Variants in NKAIN2 observed in about 807,000 individuals in gnomAD.
The protein encoded by NKAIN2 is sodium/potassium-transporting ATPase subunit beta-1-interacting protein 2.
NKAIN2 carries 14 observed loss-of-function variants against 32.6 expected under a neutral mutation model. The ratio of observed to expected loss-of-function variants is 0.43; its 90% CI spans 0.28 to 0.67. The LOEUF is 0.67. Among genes scored for constraint, NKAIN2 ranks in the 30% least tolerant of loss-of-function variants. The pLI is 0.17. For synonymous variants in NKAIN2, 80 were observed against 87.2 expected, an observed-to-expected ratio of 0.92 and a Z score of 0.46; for missense variants, 198 against 258.3, an observed-to-expected ratio of 0.77 and a Z score of 1.60.
At chr6:124,805,654 C>T (rs534291619) in intron 5 of NKAIN2, among the ~76,000 whole-genome samples, 146 of 152,184 alleles carry the variant, frequency 9.6e-4, no homozygotes, top group African/African-American at 3.0e-3. Flanking sequence ...ATGACTTTGA[C>T]GAGTTGAGAG....
chr6:123,976,888 TAGA>T (rs1351681767), intron 1 of NKAIN2, among the ~76,000 whole-genome samples: 1 of 152,198 alleles, frequency 6.6e-6, no homozygotes, highest in African/African-American at 2.4e-5. Context: ...TCTGAAGATT[TAGA>T]AGAATAGGTA....
chr6:124,710,727 T>A (rs1241211151), intron 4 of NKAIN2, among the ~76,000 whole-genome samples: 14 of 147,940 alleles, frequency 9.5e-5, no homozygotes, highest in African/African-American at 3.5e-4. Flanking sequence ...TGTGTGTCTC[T>A]GCACGTGAGA....
At chr6:123,833,691 C>CTGTGTGTGTGTGTGTGTGTGTG (rs59906355) in intron 1 of NKAIN2, among the ~76,000 whole-genome samples, 1 of 129,546 alleles carries the variant, frequency 7.7e-6, no homozygotes, top group Non-Finnish European at 1.6e-5. Context: ...ATTTTTTTTC[C>CTGTGTGTGTGTGTGTGTGTGTG]TGTGTGTGTG....
chr6:124,256,850 C>T (rs566665700), intron 1 of NKAIN2, among the ~76,000 whole-genome samples: 12 of 149,396 alleles, frequency 8.0e-5, no homozygotes, highest in Non-Finnish European at 1.5e-4. Context: ...TGTCCTTCCT[C>T]CTGGGGTAAA....
At chr6:124,808,118 T>A (rs1197679189) in intron 5 of NKAIN2, among the ~76,000 whole-genome samples, 22 of 146,900 alleles carry the variant, frequency 1.5e-4, no homozygotes, top group South Asian at 2.2e-4. Context: ...GAGGGAATCC[T>A]CCCTAACTCA....
chr6:124,165,372 G>C (rs1273939955), intron 1 of NKAIN2, among the ~76,000 whole-genome samples: 1 of 151,934 alleles, frequency 6.6e-6, no homozygotes, highest in African/African-American at 2.4e-5. Context: ...TTCTACTAGT[G>C]AGAAAATATG....
chr6:124,116,937 A>G (rs184720379), intron 1 of NKAIN2, among the ~76,000 whole-genome samples: 1 of 152,254 alleles, frequency 6.6e-6, no homozygotes, highest in East Asian at 1.9e-4. Flanking sequence ...CAGATAGCCA[A>G]GTAGTGAAGG....
intron 1 of NKAIN2, among the ~76,000 whole-genome samples, chr6:124,188,333 G>C (rs1216091831): frequency 6.6e-6 from 1 of 152,194 alleles, no homozygotes; most frequent in Non-Finnish European, 1.5e-5. Context: ...GGGCAAACTT[G>C]AACTCTCAGC....
intron 4 of NKAIN2, among the ~76,000 whole-genome samples, chr6:124,663,836 C>T (rs2325913): frequency 0.64 from 98,057 of 152,044 alleles, 32,221 homozygotes; most frequent in African/African-American, 0.76. Context: ...ATTATGTAAA[C>T]TGTGGCATGC....
At chr6:124,144,163 G>A (rs1425023598) in intron 1 of NKAIN2, among the ~76,000 whole-genome samples, 2 of 152,156 alleles carry the variant, frequency 1.3e-5, no homozygotes, top group Non-Finnish European at 2.9e-5. Context: ...TTTTTATGAA[G>A]TTTGGTAAGC....
At chr6:124,210,330 A>G (rs1274965052) in intron 1 of NKAIN2, among the ~76,000 whole-genome samples, 2 of 151,732 alleles carry the variant, frequency 1.3e-5, no homozygotes, top group Non-Finnish European at 2.9e-5. Flanking sequence ...TGCTGTTTCG[A>G]TTACTATAAC....
chr6:124,539,705 A>T (rs1015240807), intron 3 of NKAIN2, among the ~76,000 whole-genome samples: 2 of 152,114 alleles, frequency 1.3e-5, no homozygotes, highest in African/African-American at 4.8e-5. Flanking sequence ...CCTTAAATAT[A>T]TATTTTTTGT....
At chr6:124,668,774 A>T (rs921400714) in intron 4 of NKAIN2, among the ~76,000 whole-genome samples, 1 of 152,162 alleles carries the variant, frequency 6.6e-6, no homozygotes, top group East Asian at 1.9e-4. Context: ...CGCAAACAGA[A>T]ATGTCTGTGT....
intron 2 of NKAIN2, among the ~76,000 whole-genome samples, chr6:124,328,232 C>T (rs1304261836): frequency 6.6e-6 from 1 of 152,138 alleles, no homozygotes; most frequent in Non-Finnish European, 1.5e-5. Flanking sequence ...TATTACTGGA[C>T]ATTTGGAATA....
At chr6:123,836,727 A>G (rs1774642331) in intron 1 of NKAIN2, among the ~76,000 whole-genome samples, 1 of 152,184 alleles carries the variant, frequency 6.6e-6, no homozygotes, top group Non-Finnish European at 1.5e-5. Context: ...ACTAATGTTA[A>G]TTGTTTGCTT....
intron 1 of NKAIN2, among the ~76,000 whole-genome samples, chr6:124,106,813 T>A (rs577928433): frequency 1.4e-4 from 22 of 152,294 alleles, no homozygotes; most frequent in Middle Eastern, 3.4e-3. Flanking sequence ...CCAGGCACTA[T>A]CTTAGGACAT....
chr6:124,615,502 G>A (rs1337143820), intron 3 of NKAIN2, among the ~76,000 whole-genome samples: 1 of 152,126 alleles, frequency 6.6e-6, no homozygotes, highest in Non-Finnish European at 1.5e-5. Flanking sequence ...CGGAAAATAT[G>A]ACTCATTCTT....
chr6:124,658,662 G>C, intron 4 of NKAIN2: 1 of 716,078 alleles, frequency 1.4e-6, no homozygotes, highest in Non-Finnish European at 2.2e-6. Flanking sequence ...GTGACTTTTG[G>C]TAGACTTTTC....
rs57702447 is a variant in NKAIN2 at position 123,892,357 on chromosome 6, G to A, written c.54+88103G>A. On this transcript the variant is annotated intron_variant, in intron 1 of 6. Transcript: ENST00000368417. The stretch of plus-strand genomic sequence containing the variant: ...AGGTTTAATTGACTCAGTTCCACAT[G>A]TCTGGGGAGGCCTCAGGGAAATTAC... 1.6e-4 allele frequency among the ~76,000 whole-genome samples: 24 copies of A among 152,240 alleles called. No homozygotes were observed. The East Asian group carries it at 4.3e-3, about 27-fold the overall frequency.
Sources: allele counts gnomAD v4.1 joint callset (sites outside exome capture counted in the v4.1 genomes callset), GRCh38; gene constraint gnomAD v4.1.1; transcripts MANE v1.5; gene names NCBI Gene and HGNC (gene_info 2026-07-23, HGNC 2026-07-21).